TENM4: variants seen among roughly 807,000 people sequenced by gnomAD.
The protein encoded by TENM4 is teneurin transmembrane protein 4.
TENM4 carries 82 observed loss-of-function variants against 243.3 expected under a neutral mutation model. The observed-to-expected ratio is 0.34, with a 90% CI of 0.28 to 0.40. The LOEUF is 0.40. TENM4 is among the 10% of genes least tolerant of loss of function. The pLI, the probability that TENM4 is intolerant of heterozygous loss-of-function variation, is 1.00. For missense variants in TENM4, 3,138 were observed against 3,673.3 expected, an observed-to-expected ratio of 0.85 and a Z score of 3.77; for synonymous variants, 1,412 against 1,456.3, an observed-to-expected ratio of 0.97 and a Z score of 0.69.
Position 79,325,203 on chromosome 11 carries a change from G to GC in TENM4, c.-320-27661dup, listed in dbSNP as rs546593316. On this transcript the variant is annotated intron_variant, in intron 1 of 33. Transcript: ENST00000278550. Reference sequence around the variant, plus strand: ...TCCTGAGAAGTGAGTTCTAACCTGGGCTGGAGGTGTGGGGTCCCCAACGTC... The same window carrying GC: ...TCCTGAGAAGTGAGTTCTAACCTGGGCCTGGAGGTGTGGGGTCCCCAACGTC... 6.4e-4 allele frequency among the ~76,000 whole-genome samples: 97 copies of GC among 152,282 alleles called. 2 individuals carry two copies. The South Asian group carries it at 0.017, about 26-fold the overall frequency.
chr11:78,989,077 T>A (rs1591186524), intron 6 of TENM4, among the ~76,000 whole-genome samples: 1 of 152,252 alleles, frequency 6.6e-6, no homozygotes, highest in East Asian at 1.9e-4. Flanking sequence ...ACTCTAATCC[T>A]ATAGGCCTGA....
intron 4 of TENM4, among the ~76,000 whole-genome samples, chr11:79,144,991 C>T (rs1862370720): frequency 6.6e-6 from 1 of 151,870 alleles, no homozygotes; most frequent in African/African-American, 2.4e-5. Flanking sequence ...CCCATTTAAC[C>T]TGATATGATC....
chr11:78,672,284 G>A lies in TENM4; in HGVS notation c.5542C>T (p.Arg1848Cys), dbSNP rs761483068. 1 of 1,613,358 alleles carries A rather than the reference G, an allele frequency of 6.2e-7. No homozygotes were observed. Among genetic ancestry groups the A allele is most frequent in the South Asian group, 1.1e-5 (1 of 91,074 alleles). Reference protein sequence around the residue: ...LLSLDFDRVTRTEKIYDDHRK... With the variant: ...LLSLDFDRVTCTEKIYDDHRK... ...TGGTCATCATAGATCTTCTCTGTGC[G>A]TGTTACGCGATCAAAGTCCAGAGAT... The change falls in exon 31 of 34, where the codon CGC becomes TGC. Residue 1848 changes from arginine (R) to cysteine (C), a missense_variant. Physicochemically the swap from Arg to Cys is radical, Grantham distance 180 (BLOSUM62 -3). Around this residue, in one of 2 missense-constraint regions of TENM4, gnomAD observed 2,467 missense variants for 3,059.1 expected, o/e 0.81. Transcript: ENST00000278550.
In TENM4 at chr11:79,066,624, A is replaced by G. The variant is rs745995456; in HGVS notation, c.224-1617T>C. ...CACGCGCGTGCACACACACGTGCGC[A>G]CACACATGAACACACAAGTGCACAC... On this transcript the variant is annotated intron_variant, in intron 5 of 33. Transcript: ENST00000278550. Among the ~76,000 whole-genome samples, 7 of 151,872 alleles carry G rather than the reference A, an allele frequency of 4.6e-5. No individual in the cohort carries two copies. The South Asian group carries it at 1.0e-3, about 23-fold the overall frequency.
intron 6 of TENM4, among the ~76,000 whole-genome samples, chr11:78,974,037 A>G (rs111489647): frequency 1.4e-4 from 22 of 152,256 alleles, no homozygotes; most frequent in African/African-American, 5.1e-4. Flanking sequence ...CATAACAATG[A>G]GGTAAATGCT....
At chr11:79,363,659 TA>T (rs1447529959) in intron 1 of TENM4, among the ~76,000 whole-genome samples, 2 of 152,256 alleles carry the variant, frequency 1.3e-5, no homozygotes, top group Non-Finnish European at 2.9e-5. Flanking sequence ...TCATATGATA[TA>T]ATTATCATAG....
At chr11:78,873,183 C>T (rs989332709) in intron 9 of TENM4, among the ~76,000 whole-genome samples, 10 of 152,120 alleles carry the variant, frequency 6.6e-5, no homozygotes, top group South Asian at 2.1e-4. Context: ...TATCTGTGCA[C>T]GGAGCAAGGC....
At chr11:79,393,868 C>A (rs1352808140) in intron 1 of TENM4, among the ~76,000 whole-genome samples, 1 of 152,082 alleles carries the variant, frequency 6.6e-6, no homozygotes, top group Non-Finnish European at 1.5e-5. Flanking sequence ...GAGTGAGGAG[C>A]AGATGGCTGT....
chr11:78,660,437 C>G (rs1387986434), intron 33 of TENM4, among the ~76,000 whole-genome samples: 5 of 151,904 alleles, frequency 3.3e-5, no homozygotes, highest in African/African-American at 1.2e-4. Context: ...AATCTAGTAG[C>G]GAGACAAGAA....
chr11:78,848,101 A>G (rs57686360), intron 12 of TENM4, among the ~76,000 whole-genome samples: 70,027 of 150,660 alleles, frequency 0.46, 17,211 homozygotes, highest in African/African-American at 0.59. Flanking sequence ...ACACCACTGA[A>G]CATCATTGAA....
rs71468324 is a variant in TENM4, at chr11:79,139,720, A to T, written c.-66+8990T>A. Among the ~76,000 whole-genome samples, 47 of 46,690 alleles carry T rather than the reference A, an allele frequency of 1.0e-3. 6 individuals carry two copies. The highest frequency in any genetic ancestry group is 4.3e-3 in the African/African-American group (19 of 4,440). The allele number at this position is 46,690 out of a possible 152,430, so 30.6% of individuals were successfully genotyped here. A position where few individuals can be genotyped will look rare whatever the true frequency, so the allele number is the denominator to read the frequency against. On this transcript the variant is annotated intron_variant, in intron 4 of 33. Coordinates refer to ENST00000278550, the MANE Select transcript of TENM4 (RefSeq NM_001098816.3). ...TATATAATATTTATATAAGTATATA[A>T]AATATATATTATATTTATATAAATA...
Position 78,771,036 on chromosome 11 carries a change from G to A in TENM4, c.2495C>T (p.Thr832Ile). 6.3e-7 allele frequency: 1 copy of A among 1,583,522 alleles called. No homozygotes were observed. The highest frequency in any genetic ancestry group is 8.6e-7 in the Non-Finnish European group (1 of 1,164,828). Reference protein sequence around the residue: ...QLGWRGAGCDTSMETACGDSK... With the variant: ...QLGWRGAGCDISMETACGDSK... Reference sequence around the variant, plus strand: ...GTCACCGCAGGCAGTCTCCATGGAAGTGTCACAGCCAGCTCCTCTCCAGCC... The same window carrying A: ...GTCACCGCAGGCAGTCTCCATGGAAATGTCACAGCCAGCTCCTCTCCAGCC... Residue 832 changes from threonine to isoleucine, a missense_variant, in exon 18 of 34, where the codon ACT becomes ATT. Coordinates refer to ENST00000278550, the MANE Select transcript of TENM4 (RefSeq NM_001098816.3).
intron 1 of TENM4, among the ~76,000 whole-genome samples, chr11:79,314,596 C>T (rs547609274): frequency 7.2e-5 from 11 of 152,290 alleles, no homozygotes; most frequent in East Asian, 1.9e-4. Flanking sequence ...CTTTGGTTCC[C>T]GGCATACAAT....
intron 2 of TENM4, among the ~76,000 whole-genome samples, chr11:79,222,826 C>G (rs1420985561): frequency 1.3e-5 from 2 of 152,090 alleles, no homozygotes; most frequent in African/African-American, 4.8e-5. Context: ...TGTTCATGTC[C>G]TTTGCACACT....
At chr11:78,852,202 T>G (rs1161362639) in intron 12 of TENM4, among the ~76,000 whole-genome samples, 1 of 152,202 alleles carries the variant, frequency 6.6e-6, no homozygotes, top group African/African-American at 2.4e-5. Flanking sequence ...AATTTCTACA[T>G]CAGAGCTAGT....
rs1353830720 is a variant in TENM4 at position 78,654,964 on chromosome 11, C to T, written c.*3094G>A. 1 of 152,362 alleles carries T rather than the reference C, an allele frequency of 6.6e-6. No individual in the cohort carries two copies. The highest frequency in any genetic ancestry group is 6.5e-5 in the Admixed American group (1 of 15,276). 9.4% of individuals were successfully genotyped at this position (152,362 alleles called of 1,614,324 possible). A position where few individuals can be genotyped will look rare whatever the true frequency, so the allele number is the denominator to read the frequency against. ...AGGCAGGAACTGTAGGATCATACAC[C>T]TGGGCAGGTGAGGGAGGCCTGGTCA... On this transcript the variant is annotated 3_prime_UTR_variant, in exon 34 of 34. Coordinates refer to ENST00000278550, the MANE Select transcript of TENM4 (RefSeq NM_001098816.3).
intron 12 of TENM4, among the ~76,000 whole-genome samples, chr11:78,847,911 G>A (rs1858438051): frequency 6.6e-6 from 1 of 152,172 alleles, no homozygotes; most frequent in African/African-American, 2.4e-5. Context: ...CTTTGCAAAT[G>A]CACTCAGAGG....
At chr11:79,111,172 G>A (rs1861494926) in intron 4 of TENM4, among the ~76,000 whole-genome samples, 1 of 152,140 alleles carries the variant, frequency 6.6e-6, no homozygotes, top group Non-Finnish European at 1.5e-5. Context: ...TCTCTTGCCT[G>A]CTGCCAGGTA....
At chr11:79,072,269 A>T (rs1284670107) in intron 4 of TENM4, among the ~76,000 whole-genome samples, 1 of 152,132 alleles carries the variant, frequency 6.6e-6, no homozygotes, top group Admixed American at 6.5e-5. Flanking sequence ...AAGGATCACT[A>T]CAGGCCAGGA....
Sources: allele counts gnomAD v4.1 joint callset (sites outside exome capture counted in the v4.1 genomes callset), GRCh38; gene constraint gnomAD v4.1.1; regional missense constraint gnomAD v4.1.1; transcripts MANE v1.5; gene names NCBI Gene and HGNC (gene_info 2026-07-23, HGNC 2026-07-21).